Variants in LIPI observed in about 807,000 individuals in gnomAD.
The protein encoded by LIPI is lipase member I.
Under a neutral mutation model 50.6 loss-of-function variants are expected in LIPI, and 59 were observed. The ratio of observed to expected loss-of-function variants is 1.16; its 90% CI spans 0.94 to 1.45. LIPI has a LOEUF of 1.45. Among genes scored for constraint, LIPI ranks in the 40% most tolerant of loss-of-function variants. The pLI, the probability that LIPI is intolerant of heterozygous loss-of-function variation, is 0.00. For synonymous variants in LIPI, 203 were observed against 178.2 expected (o/e 1.14, Z -1.11); for missense variants, 586 against 536.3 (o/e 1.09, Z -0.92).
In LIPI at chr21:14,193,562, T is replaced by C. The variant is rs139170952; in HGVS notation, c.47-4143A>G. Among the ~76,000 whole-genome samples the C allele has an allele frequency of 3.5e-4, 53 of 152,228 alleles. 1 individual carries two copies. The East Asian group carries it at 9.6e-3, about 28-fold the overall frequency. On this transcript the variant is annotated intron_variant, in intron 1 of 9. Transcript: ENST00000681601. ...TTAAAGAATGTAAAAAGATATTCAA[T>C]GCAAAATGTAACTAAAAGTGAGCAG...
chr21:14,198,292 G>A (rs1028288936), intron 1 of LIPI, among the ~76,000 whole-genome samples: 2 of 152,060 alleles, frequency 1.3e-5, no homozygotes, highest in African/African-American at 4.8e-5. Context: ...ATGTCAATGG[G>A]ATAAATGCCC....
At chr21:14,117,057 G>A (rs564060785) in intron 9 of LIPI, among the ~76,000 whole-genome samples, 117 of 152,234 alleles carry the variant, frequency 7.7e-4, no homozygotes, top group African/African-American at 2.5e-3. Flanking sequence ...CCCACTGCTT[G>A]ATAAATCAAA....
chr21:14,122,576 G>A (rs967533712), intron 9 of LIPI, among the ~76,000 whole-genome samples: 3 of 152,184 alleles, frequency 2.0e-5, no homozygotes, highest in Non-Finnish European at 2.9e-5. Context: ...TCAGCAGTAA[G>A]GCTGCTAAGA....
At chr21:14,147,670 G>T (rs972858648) in intron 8 of LIPI, among the ~76,000 whole-genome samples, 1 of 152,098 alleles carries the variant, frequency 6.6e-6, no homozygotes, top group African/African-American at 2.4e-5. Flanking sequence ...GATTAAATTG[G>T]ATTCTCTCCA....
intron 9 of LIPI, among the ~76,000 whole-genome samples, chr21:14,116,185 G>A (rs577915267): frequency 6.6e-6 from 1 of 152,238 alleles, no homozygotes; most frequent in South Asian, 2.1e-4. Context: ...GAGTCCTAGG[G>A]CAGGGGAGGT....
chr21:14,184,943 T>C (rs2019401481), intron 3 of LIPI, among the ~76,000 whole-genome samples: 1 of 152,186 alleles, frequency 6.6e-6, no homozygotes, highest in Non-Finnish European at 1.5e-5. Flanking sequence ...TATATGTTAT[T>C]CACCTCTTTC....
At chr21:14,122,634 C>T (rs2032283) in intron 9 of LIPI, among the ~76,000 whole-genome samples, 21,268 of 152,156 alleles carry the variant, frequency 0.14, 1,805 homozygotes, top group East Asian at 0.41. Flanking sequence ...TAACTTTCAA[C>T]GGACCACACA....
At chr21:14,202,213 C>A (rs2020079663) in intron 1 of LIPI, among the ~76,000 whole-genome samples, 1 of 152,196 alleles carries the variant, frequency 6.6e-6, no homozygotes, top group African/African-American at 2.4e-5. Context: ...ATATTCCATG[C>A]TCATGGGTAG....
chr21:14,198,383 T>A (rs972593109), intron 1 of LIPI, among the ~76,000 whole-genome samples: 13 of 151,986 alleles, frequency 8.6e-5, no homozygotes, highest in Middle Eastern at 3.2e-3. Context: ...CCATCTCACA[T>A]GCAATGACAA....
intron 4 of LIPI, among the ~76,000 whole-genome samples, chr21:14,174,970 T>C (rs540893144): frequency 6.6e-6 from 1 of 152,360 alleles, no homozygotes; most frequent in South Asian, 2.1e-4. Flanking sequence ...TCTGGCTTTT[T>C]AGATTATTAG....
intron 4 of LIPI, among the ~76,000 whole-genome samples, chr21:14,167,193 T>A: frequency 6.6e-6 from 1 of 151,976 alleles, no homozygotes; most frequent in East Asian, 1.9e-4. Context: ...CTTGCTTAGG[T>A]AAACAAAGCA....
intron 4 of LIPI, among the ~76,000 whole-genome samples, chr21:14,179,067 T>A (rs1162180949): frequency 6.6e-6 from 1 of 152,150 alleles, no homozygotes; most frequent in Non-Finnish European, 1.5e-5. Flanking sequence ...ACAGATGAGA[T>A]GTTTTGCAAA....
chr21:14,109,934 C>T (rs770656056), intron 9 of LIPI, among the ~76,000 whole-genome samples: 2 of 151,534 alleles, frequency 1.3e-5, no homozygotes, highest in Non-Finnish European at 3.0e-5. Flanking sequence ...TTCCTTCTCC[C>T]AGGCAATAAA....
chr21:14,109,875 GT>G (rs36065449), intron 9 of LIPI, among the ~76,000 whole-genome samples: 75,776 of 151,152 alleles, frequency 0.5, 19,030 homozygotes, highest in Admixed American at 0.53. Context: ...AGTTCATCTA[GT>G]TATCACTGTC....
chr21:14,120,767 G>A (rs779749431), intron 9 of LIPI, among the ~76,000 whole-genome samples: 16 of 152,170 alleles, frequency 1.1e-4, no homozygotes, highest in Admixed American at 3.3e-4. Flanking sequence ...ATGGGGAGGC[G>A]TGCCATTCCA....
intron 9 of LIPI, among the ~76,000 whole-genome samples, chr21:14,114,717 C>T (rs1464139588): frequency 6.6e-6 from 1 of 152,172 alleles, no homozygotes; most frequent in Non-Finnish European, 1.5e-5. Flanking sequence ...CTCAGAGAAA[C>T]TAGATTTGGG....
intron 9 of LIPI, among the ~76,000 whole-genome samples, chr21:14,114,819 C>T (rs1378029170): frequency 6.6e-6 from 1 of 152,130 alleles, no homozygotes; most frequent in Non-Finnish European, 1.5e-5. Flanking sequence ...CAGCATGGTA[C>T]ATCATAATCA....
At chr21:14,194,685 G>A (rs1429747704) in intron 1 of LIPI, among the ~76,000 whole-genome samples, 1 of 152,134 alleles carries the variant, frequency 6.6e-6, no homozygotes, top group African/African-American at 2.4e-5. Flanking sequence ...ATATAGAGTT[G>A]ATGGGTACAG....
At chr21:14,185,611 C>A (rs1291623836) in intron 3 of LIPI, among the ~76,000 whole-genome samples, 1 of 152,186 alleles carries the variant, frequency 6.6e-6, no homozygotes, top group Non-Finnish European at 1.5e-5. Context: ...GCCACAGTGG[C>A]TCATGCCTGT....
Sources: allele counts gnomAD v4.1 joint callset (sites outside exome capture counted in the v4.1 genomes callset), GRCh38; gene constraint gnomAD v4.1.1; transcripts MANE v1.5; gene names NCBI Gene and HGNC (gene_info 2026-07-23, HGNC 2026-07-21).